PAK5: variants seen among roughly 807,000 people sequenced by gnomAD.
PAK5 encodes the protein serine/threonine-protein kinase PAK 5.
PAK5 carries 16 observed loss-of-function variants against 65.9 expected under a neutral mutation model. The observed-to-expected ratio is 0.24, with a 90% CI of 0.16 to 0.37. The LOEUF is 0.37. Ranked by LOEUF, PAK5 falls within the 10% of genes least tolerant of loss-of-function variation. The pLI, the probability that PAK5 is intolerant of heterozygous loss-of-function variation, is 1.00. For synonymous variants in PAK5, 371 were observed against 354.9 expected (o/e 1.05, Z -0.51); for missense variants, 785 against 903.9 (o/e 0.87, Z 1.69).
intron 2 of PAK5, among the ~76,000 whole-genome samples, chr20:9,687,942 G>A (rs1043272189): frequency 6.6e-6 from 1 of 151,952 alleles, no homozygotes; most frequent in African/African-American, 2.4e-5. Flanking sequence ...GTGTATGTGT[G>A]TAGGGATTAT....
At chr20:9,799,511 G>T (rs570962141) in intron 1 of PAK5, among the ~76,000 whole-genome samples, 8 of 152,158 alleles carry the variant, frequency 5.3e-5, no homozygotes, top group South Asian at 4.2e-4. Flanking sequence ...TGTGTGTGTG[G>T]TTGAATATCA....
intron 1 of PAK5, among the ~76,000 whole-genome samples, chr20:9,792,684 G>C (rs895770015): frequency 6.6e-6 from 1 of 152,046 alleles, no homozygotes; most frequent in Non-Finnish European, 1.5e-5. Flanking sequence ...TGAATAGAAA[G>C]CTGGAGAATA....
intron 1 of PAK5, among the ~76,000 whole-genome samples, chr20:9,771,588 T>A (rs2048834471): frequency 6.8e-6 from 1 of 146,454 alleles, no homozygotes; most frequent in South Asian, 2.2e-4. Flanking sequence ...TTTAATTTTT[T>A]TTTTTTTTTT....
At chr20:9,626,078 C>A (rs1406817152) in intron 3 of PAK5, among the ~76,000 whole-genome samples, 2 of 151,988 alleles carry the variant, frequency 1.3e-5, no homozygotes, top group East Asian at 1.9e-4. Flanking sequence ...AAAGACTCGA[C>A]CTTTACATAA....
rs989336543 is a variant in PAK5, at chr20:9,734,902, G to C, written c.-161-23467C>G. On this transcript the variant is annotated intron_variant, in intron 1 of 9. Coordinates refer to ENST00000353224, the MANE Select transcript of PAK5 (RefSeq NM_177990.4). ...CCCAGAACAACAAAAGGGAGAAACA[G>C]GTTTCCCTGTGGCTGACTCAGAAGT... Among the ~76,000 whole-genome samples, 9 of 152,246 alleles carry C rather than the reference G, an allele frequency of 5.9e-5. No homozygotes were observed. In the East Asian group the frequency reaches 1.7e-3, roughly 29 times the overall value.
At chr20:9,836,138 T>C (rs1979129208) in intron 1 of PAK5, among the ~76,000 whole-genome samples, 1 of 151,620 alleles carries the variant, frequency 6.6e-6, no homozygotes, top group South Asian at 2.1e-4. Flanking sequence ...CCTTAAATAA[T>C]CTTTAAAGTA....
At chr20:9,715,606 T>C (rs999802833) in intron 1 of PAK5, among the ~76,000 whole-genome samples, 28 of 152,030 alleles carry the variant, frequency 1.8e-4, no homozygotes, top group Admixed American at 5.9e-4. Flanking sequence ...CGTATGTTTA[T>C]TGCGGCACTA....
chr20:9,767,220 G>A (rs570943892), intron 1 of PAK5, among the ~76,000 whole-genome samples: 1 of 152,286 alleles, frequency 6.6e-6, no homozygotes, highest in East Asian at 1.9e-4. Flanking sequence ...GGCAGCCTTT[G>A]ATATTGCATG....
intron 4 of PAK5, among the ~76,000 whole-genome samples, chr20:9,571,644 G>A (rs1251530040): frequency 6.6e-6 from 1 of 152,170 alleles, no homozygotes. Flanking sequence ...ACATGCCAGG[G>A]ACTGTTCTAA....
chr20:9,577,337 CATT>C (rs2045902394), intron 4 of PAK5: 1 of 151,710 alleles, frequency 6.6e-6, no homozygotes, highest in Non-Finnish European at 1.5e-5. Context: ...TGTGGGTTAA[CATT>C]AATCTTTTTT....
intron 3 of PAK5, among the ~76,000 whole-genome samples, chr20:9,597,404 T>G (rs185680930): frequency 6.6e-6 from 1 of 152,346 alleles, no homozygotes; most frequent in Non-Finnish European, 1.5e-5. Flanking sequence ...TTCCTTCACT[T>G]TTAAATTCCT....
intron 3 of PAK5, among the ~76,000 whole-genome samples, chr20:9,642,880 C>T (rs927481814): frequency 2.6e-5 from 4 of 152,110 alleles, no homozygotes; most frequent in African/African-American, 9.7e-5. Flanking sequence ...AAATCAAACT[C>T]ACAAAATGCA....
At chr20:9,707,780 A>G (rs2048026990) in intron 2 of PAK5, among the ~76,000 whole-genome samples, 1 of 152,148 alleles carries the variant, frequency 6.6e-6, no homozygotes, top group South Asian at 2.1e-4. Context: ...AGCCACATCC[A>G]GTCAAGCACC....
At chr20:9,710,284 C>G (rs1349436097) in intron 2 of PAK5, among the ~76,000 whole-genome samples, 1 of 152,064 alleles carries the variant, frequency 6.6e-6, no homozygotes, top group African/African-American at 2.4e-5. Context: ...GATAACCCAC[C>G]TAGAATATGA....
In PAK5 at chr20:9,735,749, G is replaced by A. The variant is rs578214526; in HGVS notation, c.-161-24314C>T. ...TAAAAATATCCACCACTGGCCAGGC[G>A]CAGTGGATCATGCCTGTAATCCCAG... is the stretch of plus-strand genomic sequence containing the variant. On this transcript the variant is annotated intron_variant, in intron 1 of 9. Transcript: ENST00000353224. 7.9e-5 allele frequency among the ~76,000 whole-genome samples: 12 copies of A among 152,012 alleles called. No homozygotes were observed. In the South Asian group the frequency reaches 1.0e-3, roughly 13 times the overall value.
chr20:9,800,509 T>A (rs947360437), intron 1 of PAK5, among the ~76,000 whole-genome samples: 1 of 152,104 alleles, frequency 6.6e-6, no homozygotes, highest in African/African-American at 2.4e-5. Context: ...TTCTCAATAT[T>A]CTTACAGCAG....
Position 9,557,519 on chromosome 20 carries a change from G to C in PAK5, c.1743+89C>G, listed in dbSNP as rs541924484. 15 of 1,112,250 alleles carry C rather than the reference G, an allele frequency of 1.3e-5. No homozygotes were observed. In the South Asian group the frequency reaches 2.9e-4, roughly 22 times the overall value. The allele number at this position is 1,112,250 out of a possible 1,614,324, so 68.9% of individuals were successfully genotyped here. On this transcript the variant is annotated intron_variant, in intron 7 of 9. Transcript: ENST00000353224. ...TGACTTGTGACTAAGAAAAATTAGA[G>C]TTATAAAAAAGTGTTTCTAAAAGAG... is the stretch of plus-strand genomic sequence containing the variant.
intron 2 of PAK5, among the ~76,000 whole-genome samples, chr20:9,651,257 G>T (rs1197893906): frequency 6.6e-6 from 1 of 152,150 alleles, no homozygotes; most frequent in Non-Finnish European, 1.5e-5. Flanking sequence ...AACATTCAGT[G>T]AACTAAGACA....
intron 1 of PAK5, among the ~76,000 whole-genome samples, chr20:9,805,281 T>C (rs1425916777): frequency 6.6e-6 from 1 of 151,584 alleles, no homozygotes; most frequent in African/African-American, 2.4e-5. Flanking sequence ...AAAATGAGAG[T>C]CTAAAGTACA....
Sources: allele counts gnomAD v4.1 joint callset (sites outside exome capture counted in the v4.1 genomes callset), GRCh38; gene constraint gnomAD v4.1.1; transcripts MANE v1.5; gene names NCBI Gene and HGNC (gene_info 2026-07-23, HGNC 2026-07-21).